GTF2B: variants seen among roughly 807,000 people sequenced by gnomAD.
The protein encoded by GTF2B is general transcription factor IIB, also known as transcription initiation factor IIB.
In GTF2B, 20 loss-of-function variants were observed where a neutral mutation model predicts 34.6. That is an observed-to-expected ratio of 0.58 (90% CI 0.41 to 0.84). GTF2B has a LOEUF of 0.84. GTF2B is among the 40% of genes least tolerant of loss of function. The pLI, the probability that GTF2B is intolerant of heterozygous loss-of-function variation, is 0.00. For missense variants in GTF2B, 237 were observed against 393.3 expected, an observed-to-expected ratio of 0.60 and a Z score of 3.36; for synonymous variants, 142 against 132.4, an observed-to-expected ratio of 1.07 and a Z score of -0.50.
At chr1:88,857,109 G>C in intron 6 of GTF2B, 97 bp downstream of exon 6, 2 of 1,156,988 alleles carry the variant, frequency 1.7e-6, no homozygotes. Flanking sequence ...TCAAATGTGG[G>C]TTTCTTGCTA....
intron 2 of GTF2B, among the ~76,000 whole-genome samples, chr1:88,879,005 A>G (rs893212592): frequency 4.6e-5 from 7 of 152,198 alleles, no homozygotes; most frequent in African/African-American, 1.7e-4. Flanking sequence ...TCATAAAATC[A>G]TGAGCAAGAT....
chr1:88,881,574 A>C (rs781639073), intron 2 of GTF2B, among the ~76,000 whole-genome samples: 5 of 152,202 alleles, frequency 3.3e-5, no homozygotes, highest in Non-Finnish European at 5.9e-5. Flanking sequence ...AGACTCTTCT[A>C]CACCTGCCCT....
chr1:88,877,991 C>T (rs148806072), intron 2 of GTF2B, among the ~76,000 whole-genome samples: 1 of 152,094 alleles, frequency 6.6e-6, no homozygotes, highest in African/African-American at 2.4e-5. Flanking sequence ...AACAACAAAA[C>T]TTTAAGAATT....
At chr1:88,879,416 T>A (rs554467282) in intron 2 of GTF2B, among the ~76,000 whole-genome samples, 3 of 151,648 alleles carry the variant, frequency 2.0e-5, no homozygotes, top group African/African-American at 7.3e-5. Context: ...CCGTCTCTAC[T>A]AAAAATACAA....
At chr1:88,877,862 C>T (rs998454609) in intron 2 of GTF2B, among the ~76,000 whole-genome samples, 7 of 152,182 alleles carry the variant, frequency 4.6e-5, no homozygotes, top group Non-Finnish European at 1.0e-4. Context: ...ACCCGGGAGG[C>T]AGAGGTTGCA....
rs1007243613 is a variant in GTF2B at position 88,857,417 on chromosome 1, T to C, written c.606A>G (p.Leu202=). ...TTGTAATCAAATCCACACTGGTTTC[T>C]AGCGCTTTCAAAATAAGTTTAAAAC... The part of the protein sequence containing the change: ...GRCFKLILKA[L]ETSVDLITTG... The change falls in exon 6 of 7, where the codon CTA becomes CTG. Residue 202 remains leucine (L), a synonymous_variant. Coordinates refer to ENST00000370500, the MANE Select transcript of GTF2B (RefSeq NM_001514.6). 1.9e-6 allele frequency: 3 copies of C among 1,609,488 alleles called. No homozygotes were observed. The highest frequency in any genetic ancestry group is 8.5e-7 in the Non-Finnish European group (1 of 1,175,704).
Position 88,870,368 on chromosome 1 carries a change from T to G in GTF2B, c.125-6254A>C, listed in dbSNP as rs1358080893. Among the ~76,000 whole-genome samples, 9 of 152,234 alleles carry G rather than the reference T, an allele frequency of 5.9e-5. No individual in the cohort carries two copies. The East Asian group carries it at 1.7e-3, about 29-fold the overall frequency. On this transcript the variant is annotated intron_variant, in intron 2 of 6. Transcript: ENST00000370500. Reference sequence around the variant, plus strand: ...CAATAAATTAAAAATTAAAAACTCATTCCCACTAATATACTACTGATTTTG... The same window carrying G: ...CAATAAATTAAAAATTAAAAACTCAGTCCCACTAATATACTACTGATTTTG...
intron 5 of GTF2B, chr1:88,858,686 G>A (rs1673372624): frequency 1.3e-5 from 2 of 152,164 alleles, no homozygotes; most frequent in South Asian, 4.1e-4. Flanking sequence ...CTCACTGGAT[G>A]AATAAAGGGT....
chr1:88,873,191 T>G lies in GTF2B; in HGVS notation c.125-9077A>C, dbSNP rs867337263. ...CACAGGATTCCATTAAGTTTTTTTT[T>G]TTTTTTTTTTTTTTTTGAGACAGAG... is the stretch of plus-strand genomic sequence containing the variant. On this transcript the variant is annotated intron_variant, in intron 2 of 6. Transcript: ENST00000370500. Among the ~76,000 whole-genome samples, 482 of 142,928 alleles carry G rather than the reference T, an allele frequency of 3.4e-3. 3 individuals carry two copies. Among genetic ancestry groups the G allele is most frequent in the African/African-American group, 0.012 (459 of 37,344 alleles). The allele number at this position is 142,928 out of a possible 152,430, so 93.8% of individuals were successfully genotyped here.
Position 88,852,809 on chromosome 1 carries a change from A to G in GTF2B, c.*404T>C, listed in dbSNP as rs1402079065. 6.3e-6 allele frequency: 1 copy of G among 158,484 alleles called. No individual in the cohort carries two copies. The highest frequency in any genetic ancestry group is 2.4e-5 in the African/African-American group (1 of 41,084). The allele number at this position is 158,484 out of a possible 1,614,324, so 9.8% of individuals were successfully genotyped here. On this transcript the variant is annotated 3_prime_UTR_variant, in exon 7 of 7. Coordinates refer to ENST00000370500, the MANE Select transcript of GTF2B (RefSeq NM_001514.6). The stretch of plus-strand genomic sequence containing the variant: ...AAGCTTTTGCTCTTTCCATAAATTT[A>G]TTAAAATAAAAAACTATGTATATAT...
At chr1:88,869,629 T>C (rs927967088) in intron 2 of GTF2B, among the ~76,000 whole-genome samples, 2 of 152,026 alleles carry the variant, frequency 1.3e-5, no homozygotes, top group Non-Finnish European at 2.9e-5. Context: ...ATAAAATGAC[T>C]TCTTTTTTTT....
intron 1 of GTF2B, among the ~76,000 whole-genome samples, chr1:88,889,943 G>A (rs929806614): frequency 2.6e-5 from 4 of 152,278 alleles, no homozygotes; most frequent in African/African-American, 7.2e-5. Flanking sequence ...AGAAGGCTGA[G>A]GTGGGAGGAT....
chr1:88,869,930 C>T (rs200944248), intron 2 of GTF2B, among the ~76,000 whole-genome samples: 2,544 of 144,272 alleles, frequency 0.018, 58 homozygotes, highest in African/African-American at 0.048. Context: ...GCCAAAATGA[C>T]TTTTTTTTTT....
At chr1:88,871,871 A>G (rs1401830192) in intron 2 of GTF2B, among the ~76,000 whole-genome samples, 1 of 152,100 alleles carries the variant, frequency 6.6e-6, no homozygotes, top group Non-Finnish European at 1.5e-5. Flanking sequence ...AGCTGGGATT[A>G]CAGGCATCCA....
chr1:88,872,901 T>C (rs1159023078), intron 2 of GTF2B, among the ~76,000 whole-genome samples: 1 of 152,208 alleles, frequency 6.6e-6, no homozygotes. Flanking sequence ...ACTGATCACA[T>C]TGGTTTCTGT....
chr1:88,886,497 G>C (rs1674071289), intron 2 of GTF2B, among the ~76,000 whole-genome samples: 1 of 149,936 alleles, frequency 6.7e-6, no homozygotes, highest in Non-Finnish European at 1.5e-5. Flanking sequence ...TTCATCAATA[G>C]ATGACTGTAT....
Position 88,852,823 on chromosome 1 carries a change from CTATG to C in GTF2B, c.*386_*389del, listed in dbSNP as rs1278333275. On this transcript the variant is annotated 3_prime_UTR_variant, in exon 7 of 7. Transcript: ENST00000370500. ...TCCATAAATTTATTAAAATAAAAAA[CTATG>C]TATATATAAGTAATGGAAATAAAGT... 23 of 159,862 alleles carry C rather than the reference CTATG, an allele frequency of 1.4e-4. No homozygotes were observed. In the Admixed American group the frequency reaches 1.5e-3, roughly 10 times the overall value. 9.9% of individuals were successfully genotyped at this position (159,862 alleles called of 1,614,324 possible). A position where few individuals can be genotyped will look rare whatever the true frequency, so the allele number is the denominator to read the frequency against.
chr1:88,857,691 C>CTTTTTTTTTTT lies in GTF2B; in HGVS notation c.536-205_536-204insAAAAAAAAAAA, dbSNP rs368010048. The stretch of plus-strand genomic sequence containing the variant: ...CAGTTAACTTTAATGTTCATCACAC[C>CTTTTTTTTTTT]TTTTTTTTTGAGATGAAGTCTCACT... On this transcript the variant is annotated intron_variant, in intron 5 of 6. Coordinates refer to ENST00000370500, the MANE Select transcript of GTF2B (RefSeq NM_001514.6). 6.4e-4 allele frequency among the ~76,000 whole-genome samples: 69 copies of CTTTTTTTTTTT among 108,132 alleles called. 24 individuals carry two copies. Among genetic ancestry groups the CTTTTTTTTTTT allele is most frequent in the Non-Finnish European group, 7.2e-4 (41 of 56,884 alleles). 70.9% of individuals were successfully genotyped at this position (108,132 alleles called of 152,430 possible). A position where few individuals can be genotyped will look rare whatever the true frequency, so the allele number is the denominator to read the frequency against.
intron 1 of GTF2B, among the ~76,000 whole-genome samples, chr1:88,891,042 A>G (rs1395108740): frequency 6.9e-6 from 1 of 144,612 alleles, no homozygotes; most frequent in East Asian, 2.1e-4. Context: ...GGAACCTGAA[A>G]CTAACTGTTT....
Sources: allele counts gnomAD v4.1 joint callset (sites outside exome capture counted in the v4.1 genomes callset), GRCh38; gene constraint gnomAD v4.1.1; transcripts MANE v1.5; gene names NCBI Gene and HGNC (gene_info 2026-07-23, HGNC 2026-07-21).